KLKB1: variants seen among roughly 807,000 people sequenced by gnomAD.
The protein encoded by KLKB1 is kallikrein B1.
In KLKB1, 58 loss-of-function variants were observed where a neutral mutation model predicts 73.6. The observed-to-expected ratio is 0.79, with a 90% CI of 0.64 to 0.98. The LOEUF (loss-of-function observed/expected upper bound fraction) is 0.98. Among genes scored for constraint, KLKB1 ranks in the 50% least tolerant of loss-of-function variants. KLKB1 has a pLI of 0.00. For missense variants in KLKB1, 737 were observed against 763.8 expected (o/e 0.96, Z 0.41); for synonymous variants, 280 against 258.1 (o/e 1.08, Z -0.81).
rs186263767 is a variant in KLKB1 at position 186,258,469 on chromosome 4, T to G, written c.*257T>G. The G allele has an allele frequency of 9.9e-5, 53 of 534,224 alleles. No individual in the cohort carries two copies. The highest frequency in any genetic ancestry group is 4.1e-5 in the Non-Finnish European group (12 of 295,668). 33.1% of individuals were successfully genotyped at this position (534,224 alleles called of 1,614,324 possible). ...TGTTGTGAAATAAAATGGTGAAAGATCACGATTAGCAAGTGTTTTCTTCTG... is the reference window on the plus strand; with the variant it reads ...TGTTGTGAAATAAAATGGTGAAAGAGCACGATTAGCAAGTGTTTTCTTCTG... On this transcript the variant is annotated 3_prime_UTR_variant, in exon 15 of 15. Transcript: ENST00000264690.
chr4:186,224,080 G>C (rs539732932), upstream of KLKB1, among the ~76,000 whole-genome samples: 1 of 152,236 alleles, frequency 6.6e-6, no homozygotes, highest in Non-Finnish European at 1.5e-5. Flanking sequence ...TGGCTTCCAC[G>C]TGCTCTTGGG....
chr4:186,247,234 C>T (rs187240855), intron 6 of KLKB1, among the ~76,000 whole-genome samples: 101 of 152,158 alleles, frequency 6.6e-4, no homozygotes, highest in African/African-American at 2.2e-3. Flanking sequence ...TGTGTCCATG[C>T]GAAGAGACCA....
chr4:186,238,800 A>C (rs1182851762), intron 6 of KLKB1, among the ~76,000 whole-genome samples: 1 of 152,240 alleles, frequency 6.6e-6, no homozygotes, highest in Non-Finnish European at 1.5e-5. Flanking sequence ...TCTCTAGAAC[A>C]GTAAGATAAT....
chr4:186,224,713 A>G (rs535684312), upstream of KLKB1, among the ~76,000 whole-genome samples: 1 of 152,210 alleles, frequency 6.6e-6, no homozygotes, highest in South Asian at 2.1e-4. Context: ...GAGACTTTGG[A>G]CTCGGACTTT....
At position 186,257,241 on chromosome 4, in the gene KLKB1, T is replaced by G; in HGVS notation, c.1601T>G (p.Ile534Ser). ...TTACTCACAGGTGAAATCCAAAATA[T>G]TCTACAAAAGGTAAATATTCCTTTG... ...FSKEKGEIQN[I>S]LQKVNIPLVT... The change falls in exon 14 of 15, where the codon ATT becomes AGT. Residue 534 changes from isoleucine to serine, a missense_variant. Physicochemically the swap from Ile to Ser is moderately radical, Grantham distance 142 (BLOSUM62 -2). Coordinates refer to ENST00000264690, the MANE Select transcript of KLKB1 (RefSeq NM_000892.5). 1 of 1,591,120 alleles carries G rather than the reference T, an allele frequency of 6.3e-7. No homozygotes were observed. Among genetic ancestry groups the G allele is most frequent in the Non-Finnish European group, 8.6e-7 (1 of 1,165,316 alleles).
intron 2 of KLKB1, among the ~76,000 whole-genome samples, chr4:186,214,928 C>T (rs923077177): frequency 2.0e-5 from 3 of 152,218 alleles, no homozygotes; most frequent in Admixed American, 6.5e-5. Flanking sequence ...CGTTCTTTCT[C>T]CTTCCCATCA....
chr4:186,226,320 G>A (rs1337007250), upstream of KLKB1: 1 of 152,072 alleles, frequency 6.6e-6, no homozygotes, highest in African/African-American at 2.4e-5. Context: ...GTGGTTTCTT[G>A]TTTCCCCGAT....
At position 186,252,087 on chromosome 4, in the gene KLKB1, G is replaced by A. The variant is rs1738710643; in HGVS notation, c.1215G>A (p.Gln405=). The change falls in exon 11 of 15, where the codon CAG becomes CAA. Residue 405 remains glutamine (Q), a synonymous_variant. Transcript: ENST00000264690. The part of the protein sequence containing the change: ...TNSSWGEWPW[Q]VSLQVKLTAQ... The stretch of plus-strand genomic sequence containing the variant: ...CTTCTTGGGGAGAGTGGCCCTGGCA[G>A]GTGAGCCTGCAGGTGAAGCTGACAG... 6.2e-7 allele frequency: 1 copy of A among 1,614,088 alleles called. No individual in the cohort carries two copies. The highest frequency in any genetic ancestry group is 2.2e-5 in the East Asian group (1 of 44,882).
intron 6 of KLKB1, among the ~76,000 whole-genome samples, chr4:186,244,482 G>A (rs1181690891): frequency 1.3e-5 from 2 of 152,190 alleles, no homozygotes; most frequent in Non-Finnish European, 2.9e-5. Flanking sequence ...TCGAAGCCTT[G>A]TGGCAGTACA....
At chr4:186,218,911 G>A (rs904331864) in intron 2 of KLKB1, among the ~76,000 whole-genome samples, 1 of 152,138 alleles carries the variant, frequency 6.6e-6, no homozygotes, top group Non-Finnish European at 1.5e-5. Flanking sequence ...AACCTCAAAA[G>A]CAAGAAAGTC....
intron 6 of KLKB1, among the ~76,000 whole-genome samples, chr4:186,248,526 A>T (rs1243495635): frequency 1.3e-5 from 2 of 148,532 alleles, no homozygotes; most frequent in African/African-American, 2.5e-5. Context: ...ACTAAATAAG[A>T]TTCTATTGTA....
intron 2 of KLKB1, chr4:186,228,982 A>G (rs2126624731): frequency 6.6e-6 from 1 of 152,320 alleles, no homozygotes. Context: ...TACAATAAAC[A>G]TCTATAGGTA....
At chr4:186,232,347 T>G in intron 3 of KLKB1, 58 bp downstream of exon 3, 1 of 1,485,552 alleles carries the variant, frequency 6.7e-7, no homozygotes, top group Non-Finnish European at 9.4e-7. Context: ...ATCAGTTTTG[T>G]GCAGAAAGGT....
Position 186,245,810 on chromosome 4 carries a change from TTGTTTGTTTTTTGG to T in KLKB1, c.599-4431_599-4418del, listed in dbSNP as rs1216701709. Among the ~76,000 whole-genome samples the T allele has an allele frequency of 6.9e-4, 61 of 88,856 alleles. 6 individuals are homozygous for T. Among genetic ancestry groups the T allele is most frequent in the Middle Eastern group, 6.3e-3 (1 of 158 alleles). The allele number at this position is 88,856 out of a possible 152,430, so 58.3% of individuals were successfully genotyped here. On this transcript the variant is annotated intron_variant, in intron 6 of 14. Transcript: ENST00000264690. ...GGAATCTAATTTTTGGAGTTTTTTTTTGTTTGTTTTTTGGTTTTTTTTTTTTAATGTCAGGAGCT... is the reference window on the plus strand; with the variant it reads ...GGAATCTAATTTTTGGAGTTTTTTTTTTTTTTTTTTTTAATGTCAGGAGCT...
Position 186,252,182 on chromosome 4 carries a change from A to C in KLKB1, c.1310A>C (p.Asp437Ala), listed in dbSNP as rs758423124. The change falls in exon 11 of 15, where the codon GAT (aspartate) becomes GCT (alanine). Residue 437 changes from aspartate (D) to alanine (A), a missense_variant. Transcript: ENST00000264690. ...QWVLTAAHCF[D>A]GLPLQDVWRI... Reference sequence around the variant, plus strand: ...GTCCTCACTGCTGCCCACTGCTTTGATGGGTAAGTGTTGGATGCATCTCAT... The same window carrying C: ...GTCCTCACTGCTGCCCACTGCTTTGCTGGGTAAGTGTTGGATGCATCTCAT... The C allele has an allele frequency of 5.6e-6, 9 of 1,613,482 alleles. No homozygotes were observed. The African/African-American group carries it at 8.0e-5, about 14-fold the overall frequency.
chr4:186,245,044 A>G (rs114681643), intron 6 of KLKB1, among the ~76,000 whole-genome samples: 1,755 of 152,216 alleles, frequency 0.012, 35 homozygotes, highest in African/African-American at 0.04. Context: ...TGGCCTAAGA[A>G]CAGTCAGGGA....
Position 186,245,806 on chromosome 4 carries a change from T to A in KLKB1, c.599-4437T>A, listed in dbSNP as rs866402368. Reference sequence around the variant, plus strand: ...GGCTGGAATCTAATTTTTGGAGTTTTTTTTTGTTTGTTTTTTGGTTTTTTT... The same window carrying A: ...GGCTGGAATCTAATTTTTGGAGTTTATTTTTGTTTGTTTTTTGGTTTTTTT... On this transcript the variant is annotated intron_variant, in intron 6 of 14. Transcript: ENST00000264690. Among the ~76,000 whole-genome samples the A allele has an allele frequency of 8.4e-3, 763 of 90,544 alleles. 18 individuals are homozygous for A. The highest frequency in any genetic ancestry group is 0.029 in the African/African-American group (710 of 24,172). The allele number at this position is 90,544 out of a possible 152,430, so 59.4% of individuals were successfully genotyped here. A position where few individuals can be genotyped will look rare whatever the true frequency, so the allele number is the denominator to read the frequency against.
Position 186,254,677 on chromosome 4 carries a change from A to C in KLKB1, c.1403A>C (p.Glu468Ala), listed in dbSNP as rs144643373. The C allele has an allele frequency of 1.5e-5, 24 of 1,612,906 alleles. No homozygotes were observed. The African/African-American group carries it at 3.1e-4, about 21-fold the overall frequency. ...GATACACCTTTCTCACAAATAAAAGAGATTATTATTCACCAAAACTATAAA... is the reference window on the plus strand; with the variant it reads ...GATACACCTTTCTCACAAATAAAAGCGATTATTATTCACCAAAACTATAAA... ...TKDTPFSQIK[E>A]IIIHQNYKVS... is the part of the protein sequence containing the mutation. The change falls in exon 12 of 15, where the codon GAG (glutamate) becomes GCG (alanine). Residue 468 changes from glutamate to alanine, a missense_variant. By Grantham distance (107) the Glu-to-Ala change is moderately radical (BLOSUM62 -1). Coordinates refer to ENST00000264690, the MANE Select transcript of KLKB1 (RefSeq NM_000892.5).
At chr4:186,230,578 G>A (rs952250430) in intron 2 of KLKB1, among the ~76,000 whole-genome samples, 1 of 152,114 alleles carries the variant, frequency 6.6e-6, no homozygotes, top group Non-Finnish European at 1.5e-5. Context: ...CATTGTCATG[G>A]TCATCATTAT....
Sources: gnomAD v4.1 joint callset for allele counts (sites outside exome capture counted in the v4.1 genomes callset) on GRCh38, gnomAD v4.1.1 for gene constraint, MANE v1.5 for transcripts, NCBI Gene and HGNC (gene_info 2026-07-23, HGNC 2026-07-21) for gene names.